Variants in RAB38 observed in about 807,000 individuals in gnomAD.
The protein encoded by RAB38 is RAB38, member RAS oncogene family.
A neutral mutation model predicts 18.4 loss-of-function variants in RAB38; 15 were observed. That is an observed-to-expected ratio of 0.82 (90% confidence interval 0.55 to 1.26). The LOEUF is 1.26. Among genes scored for constraint, RAB38 ranks in the 50% most tolerant of loss-of-function variants. The probability of loss-of-function intolerance (pLI) is 0.00; values close to 1 mark genes in which losing one functional copy is unlikely to be tolerated. For synonymous variants in RAB38, 101 were observed against 104.4 expected (o/e 0.97, Z 0.20); for missense variants, 294 against 267.4 (o/e 1.10, Z -0.69).
chr11:87,854,788 T>C, the RAB38 span, among the ~76,000 whole-genome samples: 1 of 152,034 alleles, frequency 6.6e-6, no homozygotes, highest in Non-Finnish European at 1.5e-5. Context: ...TTTGGGGAAA[T>C]ATTTATGATT....
At chr11:87,957,434 A>T in the RAB38 span, among the ~76,000 whole-genome samples, 1 of 152,116 alleles carries the variant, frequency 6.6e-6, no homozygotes, top group African/African-American at 2.4e-5. Context: ...CCAGGGTTTT[A>T]TGTGACCCCC....
chr11:88,034,485 G>A, the RAB38 span, among the ~76,000 whole-genome samples: 1 of 152,158 alleles, frequency 6.6e-6, no homozygotes, highest in Admixed American at 6.5e-5. Flanking sequence ...TTTGATTCCA[G>A]TTTTTCTGAA....
At chr11:87,820,570 A>G in the RAB38 span, among the ~76,000 whole-genome samples, 3 of 152,214 alleles carry the variant, frequency 2.0e-5, no homozygotes, top group Admixed American at 2.0e-4. Flanking sequence ...AGGCAAATCA[A>G]ACTCGGCAGT....
the RAB38 span, among the ~76,000 whole-genome samples, chr11:87,937,773 A>G: frequency 4.0e-5 from 6 of 151,456 alleles, no homozygotes; most frequent in Non-Finnish European, 1.5e-5. Context: ...GTTCTTCATA[A>G]TATCTTCTAT....
At chr11:87,838,070 C>G in the RAB38 span, among the ~76,000 whole-genome samples, 6 of 151,796 alleles carry the variant, frequency 4.0e-5, no homozygotes, top group Non-Finnish European at 8.8e-5. Flanking sequence ...GCAGCACTTC[C>G]CAATAATACA....
At chr11:88,038,079 T>C in the RAB38 span, among the ~76,000 whole-genome samples, 1 of 152,178 alleles carries the variant, frequency 6.6e-6, no homozygotes, top group East Asian at 1.9e-4. Context: ...TTTTATTATA[T>C]TAATGGCATT....
At chr11:88,044,376 C>T in the RAB38 span, among the ~76,000 whole-genome samples, 1 of 152,122 alleles carries the variant, frequency 6.6e-6, no homozygotes, top group African/African-American at 2.4e-5. Context: ...TGTCTCTACT[C>T]TCTTTTCTCT....
the RAB38 span, among the ~76,000 whole-genome samples, chr11:87,915,286 T>A: frequency 6.6e-6 from 1 of 152,014 alleles, no homozygotes; most frequent in Non-Finnish European, 1.5e-5. Context: ...TCCTTGGAAG[T>A]TAAGGCATTT....
At chr11:88,064,863 T>C in the RAB38 span, among the ~76,000 whole-genome samples, 8 of 152,226 alleles carry the variant, frequency 5.3e-5, no homozygotes, top group Non-Finnish European at 1.2e-4. Flanking sequence ...AATATTATTC[T>C]TCTTGCTAGG....
chr11:88,115,323 T>C (rs1942535074), intron 2 of RAB38: 1 of 152,248 alleles, frequency 6.6e-6, no homozygotes, highest in Admixed American at 6.5e-5. Context: ...GAAGTGGAAA[T>C]ACTTATCCCT....
the RAB38 span, among the ~76,000 whole-genome samples, chr11:87,965,864 T>A: frequency 6.6e-6 from 1 of 152,198 alleles, no homozygotes; most frequent in South Asian, 2.1e-4. Context: ...TAAGACAGTT[T>A]AAGGCAGCTT....
the RAB38 span, chr11:87,815,863 A>T: frequency 6.6e-6 from 1 of 152,440 alleles, no homozygotes; most frequent in South Asian, 2.1e-4. Context: ...GCCTTGGCCA[A>T]ATGTGTAGGA....
the RAB38 span, among the ~76,000 whole-genome samples, chr11:87,882,543 A>C: frequency 1.3e-5 from 2 of 151,986 alleles, no homozygotes; most frequent in African/African-American, 4.8e-5. Context: ...ATTTTTATGA[A>C]TCATTTGCTT....
At chr11:87,938,207 G>C in the RAB38 span, among the ~76,000 whole-genome samples, 1 of 152,074 alleles carries the variant, frequency 6.6e-6, no homozygotes, top group East Asian at 1.9e-4. Context: ...GGGAATTCCA[G>C]CTTTTCATGG....
At chr11:87,885,261 A>AGTTATCCTATC in the RAB38 span, among the ~76,000 whole-genome samples, 2 of 144,090 alleles carry the variant, frequency 1.4e-5, no homozygotes, top group East Asian at 2.1e-4. Flanking sequence ...TCTGCTTTGG[A>AGTTATCCTATC]TTCAGTTGTA....
At chr11:87,883,772 A>G in the RAB38 span, among the ~76,000 whole-genome samples, 1 of 151,966 alleles carries the variant, frequency 6.6e-6, no homozygotes, top group Non-Finnish European at 1.5e-5. Flanking sequence ...TGAAGCTATT[A>G]GAAGGTGTCA....
At chr11:87,843,996 A>G in the RAB38 span, among the ~76,000 whole-genome samples, 2 of 152,174 alleles carry the variant, frequency 1.3e-5, no homozygotes, top group African/African-American at 2.4e-5. Flanking sequence ...TTGATAACAT[A>G]TTTCCTCATC....
intron 1 of RAB38, among the ~76,000 whole-genome samples, chr11:88,174,309 C>A (rs1234235534): frequency 3.3e-5 from 5 of 152,122 alleles, no homozygotes. Flanking sequence ...ATACATTGCA[C>A]CCTCACTTTT....
the RAB38 span, among the ~76,000 whole-genome samples, chr11:88,078,051 G>A: frequency 1.3e-5 from 2 of 151,988 alleles, no homozygotes; most frequent in Non-Finnish European, 2.9e-5. Flanking sequence ...CCTGCAAATA[G>A]TCAACAGGTA....
Sources: allele counts gnomAD v4.1 joint callset (sites outside exome capture counted in the v4.1 genomes callset), GRCh38; gene constraint gnomAD v4.1.1; transcripts MANE v1.5; gene names NCBI Gene and HGNC (gene_info 2026-07-23, HGNC 2026-07-21).